Variants in PEX39 observed in about 807,000 individuals in gnomAD.
The protein encoded by PEX39 is peroxisomal biogenesis factor 39.
At chr6:42,890,710 GC>G in the PEX39 span, 2 of 1,611,668 alleles carry the variant, frequency 1.2e-6, no homozygotes, top group Non-Finnish European at 1.7e-6. Flanking sequence ...TGCTGGACCA[GC>G]TGCAGGAGCT....
the PEX39 span, chr6:42,890,622 C>T: frequency 2.5e-6 from 4 of 1,612,376 alleles, no homozygotes; most frequent in South Asian, 4.4e-5. Context: ...CTTGGGCCTC[C>T]GCGGCAGCCG....
chr6:42,890,351 C>A, the PEX39 span: 2 of 787,540 alleles, frequency 2.5e-6, no homozygotes, highest in Non-Finnish European at 1.9e-6. Flanking sequence ...AAATGCAAAA[C>A]CCCCATGGTG....
At chr6:42,890,372 C>T in the PEX39 span, 1 of 1,044,412 alleles carries the variant, frequency 9.6e-7, no homozygotes, top group Admixed American at 3.8e-5. Flanking sequence ...GTTGCAGGAG[C>T]AAGTCTAGTT....
At chr6:42,890,698 C>T in the PEX39 span, 1 of 1,612,336 alleles carries the variant, frequency 6.2e-7, no homozygotes, top group South Asian at 1.1e-5. Context: ...AGTTCCTGGC[C>T]CTGCTGGACC....
chr6:42,890,431 C>A, the PEX39 span: 1 of 1,476,026 alleles, frequency 6.8e-7, no homozygotes, highest in Non-Finnish European at 9.0e-7. Context: ...GAATGGCATC[C>A]CGGGTCCTGT....
chr6:42,890,495 T>C, the PEX39 span: 1 of 1,537,716 alleles, frequency 6.5e-7, no homozygotes, highest in Non-Finnish European at 8.8e-7. Context: ...AGGGGCCCAC[T>C]GTATGCCATG....
chr6:42,890,485 A>G, the PEX39 span: 18 of 1,514,310 alleles, frequency 1.2e-5, no homozygotes, highest in African/African-American at 2.8e-5. Flanking sequence ...CTGGAACCTC[A>G]GGGGCCCACT....
the PEX39 span, chr6:42,890,460 G>C: frequency 6.7e-7 from 1 of 1,495,620 alleles, no homozygotes; most frequent in East Asian, 2.4e-5. Flanking sequence ...CCTCCAGATC[G>C]CCGCCGCAAA....
the PEX39 span, chr6:42,890,405 T>G: frequency 7.2e-7 from 1 of 1,391,696 alleles, no homozygotes; most frequent in Non-Finnish European, 9.6e-7. Flanking sequence ...GACGAAAGCA[T>G]AAAAGATGAG....
At chr6:42,890,272 A>G in the PEX39 span, 1 of 414,142 alleles carries the variant, frequency 2.4e-6, no homozygotes, top group East Asian at 3.6e-5. Context: ...AAGTTACATC[A>G]TAAAACATTT....
the PEX39 span, chr6:42,890,802 T>G: frequency 1.3e-6 from 2 of 1,557,628 alleles, no homozygotes; most frequent in Non-Finnish European, 1.7e-6. Flanking sequence ...GGGTCGCGAA[T>G]CCTGACCGGC....
the PEX39 span, chr6:42,890,643 G>A: frequency 1.5e-5 from 24 of 1,612,698 alleles, no homozygotes; most frequent in South Asian, 3.3e-5. Context: ...GGACGCTGTG[G>A]GTTCGCCGTG....
At chr6:42,890,704 G>A in the PEX39 span, 1 of 1,612,036 alleles carries the variant, frequency 6.2e-7, no homozygotes, top group South Asian at 1.1e-5. Flanking sequence ...TGGCCCTGCT[G>A]GACCAGCTGC....
chr6:42,890,337 A>G, the PEX39 span: 1 of 657,522 alleles, frequency 1.5e-6, no homozygotes, highest in Non-Finnish European at 2.4e-6. Context: ...TGGTCCACAA[A>G]TGTAAATGCA....
At chr6:42,890,269 A>T in the PEX39 span, 1 of 409,292 alleles carries the variant, frequency 2.4e-6, no homozygotes, top group Non-Finnish European at 4.3e-6. Context: ...GCCAAGTTAC[A>T]TCATAAAACA....
the PEX39 span, chr6:42,890,581 G>C: frequency 6.2e-7 from 1 of 1,610,506 alleles, no homozygotes; most frequent in African/African-American, 1.3e-5. Flanking sequence ...GGAGGGGGAA[G>C]GGACTCAGCC....
At chr6:42,890,613 T>C in the PEX39 span, 1 of 1,612,462 alleles carries the variant, frequency 6.2e-7, no homozygotes, top group Non-Finnish European at 8.5e-7. Context: ...CTCCCAGGGC[T>C]TGGGCCTCCG....
chr6:42,890,602 C>T, the PEX39 span: 22 of 1,611,716 alleles, frequency 1.4e-5, no homozygotes, highest in East Asian at 4.9e-4. Flanking sequence ...AAAGCCGCGG[C>T]CTCCCAGGGC....
At chr6:42,890,566 G>C in the PEX39 span, 1 of 1,607,364 alleles carries the variant, frequency 6.2e-7, no homozygotes, top group Non-Finnish European at 8.5e-7. Context: ...CCTATCCTGA[G>C]GGTCGGAGGG....
Sources: allele counts gnomAD v4.1 joint callset, GRCh38; gene constraint gnomAD v4.1.1; transcripts MANE v1.5; gene names NCBI Gene and HGNC (gene_info 2026-07-23, HGNC 2026-07-21).